RBFOX1: variants seen among roughly 807,000 people sequenced by gnomAD.
RBFOX1 encodes RNA binding fox-1 homolog 1, also known as RNA binding protein fox-1 homolog 1.
RBFOX1 carries 8 observed loss-of-function variants against 57.7 expected under a neutral mutation model. The observed-to-expected ratio is 0.14, with a 90% CI of 0.08 to 0.25. The LOEUF is 0.25. Among genes scored for constraint, RBFOX1 ranks in the 10% least tolerant of loss-of-function variants. The pLI is 1.00. For missense variants in RBFOX1, 611 were observed against 548.5 expected (o/e 1.11, Z -1.14); for synonymous variants, 326 against 222.4 (o/e 1.47, Z -4.15).
intron 4 of RBFOX1, among the ~76,000 whole-genome samples, chr16:7,122,341 C>G (rs1600149453): frequency 1.3e-5 from 2 of 151,996 alleles, no homozygotes; most frequent in African/African-American, 2.4e-5. Flanking sequence ...GGGAAAAAGA[C>G]TTGAATAGTC....
intron 4 of RBFOX1, among the ~76,000 whole-genome samples, chr16:7,194,676 C>G (rs141397520): frequency 6.6e-6 from 1 of 152,008 alleles, no homozygotes; most frequent in Non-Finnish European, 1.5e-5. Flanking sequence ...GTCTGTAATC[C>G]CAGCAATTTT....
intron 1 of RBFOX1, among the ~76,000 whole-genome samples, chr16:5,388,274 C>G (rs1206548262): frequency 6.6e-6 from 1 of 152,158 alleles, no homozygotes; most frequent in African/African-American, 2.4e-5. Flanking sequence ...GAAGACATAG[C>G]ACATCCCTTG....
intron 2 of RBFOX1, among the ~76,000 whole-genome samples, chr16:6,336,378 G>A (rs571332726): frequency 1.3e-5 from 2 of 150,918 alleles, no homozygotes; most frequent in South Asian, 2.1e-4. Flanking sequence ...TGTATTTTTA[G>A]TAGAGACGGG....
intron 2 of RBFOX1, among the ~76,000 whole-genome samples, chr16:5,555,401 C>T (rs1412830647): frequency 6.6e-6 from 1 of 152,060 alleles, no homozygotes; most frequent in Non-Finnish European, 1.5e-5. Flanking sequence ...CAGGCATGAG[C>T]CACCAGGCCT....
intron 4 of RBFOX1, among the ~76,000 whole-genome samples, chr16:7,371,924 A>T (rs1233208616): frequency 6.6e-6 from 1 of 152,188 alleles, no homozygotes; most frequent in South Asian, 2.1e-4. Context: ...TTTCTACACT[A>T]GGTGGCTGTG....
chr16:6,254,170 C>T (rs542102655), intron 1 of RBFOX1, among the ~76,000 whole-genome samples: 3 of 152,094 alleles, frequency 2.0e-5, no homozygotes, highest in African/African-American at 7.2e-5. Flanking sequence ...TAGCATTTAT[C>T]GAATATCTAC....
At chr16:7,686,770 G>C (rs1454869330) in intron 14 of RBFOX1, among the ~76,000 whole-genome samples, 1 of 152,124 alleles carries the variant, frequency 6.6e-6, no homozygotes, top group African/African-American at 2.4e-5. Flanking sequence ...ATGGTTTTCA[G>C]ATTCACGGTT....
At chr16:6,546,787 C>T (rs931928550) in intron 2 of RBFOX1, among the ~76,000 whole-genome samples, 1 of 152,152 alleles carries the variant, frequency 6.6e-6, no homozygotes. Context: ...ATATCCTATT[C>T]CATTTTCACA....
chr16:5,922,545 C>G (rs2058847700), intron 4 of RBFOX1, among the ~76,000 whole-genome samples: 1 of 152,180 alleles, frequency 6.6e-6, no homozygotes, highest in Admixed American at 6.5e-5. Context: ...TGGTCACCAT[C>G]TCCCTGCTGG....
chr16:7,456,914 G>A (rs1233330432), intron 4 of RBFOX1, among the ~76,000 whole-genome samples: 1 of 151,320 alleles, frequency 6.6e-6, no homozygotes, highest in African/African-American at 2.4e-5. Context: ...TTTTTGAAAC[G>A]GAGTTTCGCT....
intron 2 of RBFOX1, among the ~76,000 whole-genome samples, chr16:6,485,503 T>C (rs1249072196): frequency 6.6e-6 from 1 of 152,110 alleles, no homozygotes; most frequent in Non-Finnish European, 1.5e-5. Flanking sequence ...CACTTTAACA[T>C]ATGTTTTGCA....
chr16:6,648,056 A>T (rs1371464398), intron 2 of RBFOX1, among the ~76,000 whole-genome samples: 2 of 151,912 alleles, frequency 1.3e-5, no homozygotes, highest in East Asian at 1.9e-4. Flanking sequence ...TTGCCCAGAC[A>T]GGTCTCAAAC....
At chr16:5,432,443 C>T (rs558754668) in intron 1 of RBFOX1, among the ~76,000 whole-genome samples, 3 of 151,982 alleles carry the variant, frequency 2.0e-5, no homozygotes, top group Non-Finnish European at 4.4e-5. Context: ...CCGTCATTAT[C>T]CCTTGTCTAT....
chr16:5,854,045 T>G (rs1597496803), intron 3 of RBFOX1, among the ~76,000 whole-genome samples: 1 of 152,238 alleles, frequency 6.6e-6, no homozygotes, highest in East Asian at 1.9e-4. Flanking sequence ...CCAGCTTTAT[T>G]GAGGCAGACT....
chr16:5,405,726 T>C (rs2066846622), intron 1 of RBFOX1, among the ~76,000 whole-genome samples: 1 of 152,206 alleles, frequency 6.6e-6, no homozygotes, highest in South Asian at 2.1e-4. Flanking sequence ...GGATAAGTTA[T>C]TGTTGGTCTA....
At chr16:7,192,607 G>A (rs554486710) in intron 4 of RBFOX1, among the ~76,000 whole-genome samples, 1 of 152,240 alleles carries the variant, frequency 6.6e-6, no homozygotes, top group South Asian at 2.1e-4. Context: ...CGAAAAGGGG[G>A]CCAAATGGAA....
chr16:6,021,962 G>A (rs1235181611), intron 1 of RBFOX1, among the ~76,000 whole-genome samples: 1 of 152,130 alleles, frequency 6.6e-6, no homozygotes, highest in Admixed American at 6.5e-5. Flanking sequence ...TTTGAGCCTT[G>A]TAGCACCGAG....
At chr16:5,521,389 A>T (rs1022312183) in intron 2 of RBFOX1, among the ~76,000 whole-genome samples, 7 of 152,132 alleles carry the variant, frequency 4.6e-5, no homozygotes, top group Non-Finnish European at 8.8e-5. Flanking sequence ...AAAAAGAAAA[A>T]AGATCATTCC....
intron 1 of RBFOX1, among the ~76,000 whole-genome samples, chr16:5,397,734 C>T (rs886656096): frequency 3.3e-5 from 5 of 152,098 alleles, no homozygotes; most frequent in African/African-American, 9.7e-5. Flanking sequence ...CATGATAAGA[C>T]CATTAAAAGA....
Sources: allele counts gnomAD v4.1 joint callset (sites outside exome capture counted in the v4.1 genomes callset), GRCh38; gene constraint gnomAD v4.1.1; transcripts MANE v1.5; gene names NCBI Gene and HGNC (gene_info 2026-07-23, HGNC 2026-07-21).